Variants in NPAS3 observed in about 807,000 individuals in gnomAD.
NPAS3 encodes neuronal PAS domain protein 3.
NPAS3 carries 14 observed loss-of-function variants against 73.1 expected under a neutral mutation model. That is an observed-to-expected ratio of 0.19 (90% CI 0.13 to 0.30). The LOEUF (loss-of-function observed/expected upper bound fraction) is 0.30, where lower values mean the gene tolerates loss of function less well. Among genes scored for constraint, NPAS3 ranks in the 10% least tolerant of loss-of-function variants. The pLI, the probability that NPAS3 is intolerant of heterozygous loss-of-function variation, is 1.00. For missense variants in NPAS3, 1,096 were observed against 1,250.0 expected (o/e 0.88, Z 1.86); for synonymous variants, 620 against 541.5 (o/e 1.14, Z -2.01).
chr14:32,945,528 A>T (rs187722893), intron 1 of NPAS3, among the ~76,000 whole-genome samples: 11 of 152,316 alleles, frequency 7.2e-5, no homozygotes, highest in Admixed American at 6.5e-4. Context: ...AAGGAAGGTG[A>T]TAGAGACTGA....
intron 3 of NPAS3, among the ~76,000 whole-genome samples, chr14:33,272,686 G>A (rs112936501): frequency 0.083 from 12,573 of 152,070 alleles, 677 homozygotes; most frequent in Admixed American, 0.17. Context: ...CAAAGTGCTG[G>A]GATTACAGAT....
intron 2 of NPAS3, among the ~76,000 whole-genome samples, chr14:33,197,262 T>TGTGTGTGTGTGTGTGA (rs2046396624): frequency 6.7e-6 from 1 of 149,814 alleles, no homozygotes; most frequent in Admixed American, 6.8e-5. Context: ...TGTGTGTGTG[T>TGTGTGTGTGTGTGTGA]GTGTGTTCTT....
At chr14:33,616,599 G>T (rs1207093517) in intron 5 of NPAS3, among the ~76,000 whole-genome samples, 1 of 152,146 alleles carries the variant, frequency 6.6e-6, no homozygotes. Flanking sequence ...TAAAATGCTT[G>T]CCTTAGTGAG....
chr14:33,781,251 G>T (rs2062970898), intron 9 of NPAS3, among the ~76,000 whole-genome samples: 1 of 152,188 alleles, frequency 6.6e-6, no homozygotes, highest in African/African-American at 2.4e-5. Context: ...TGATTCCAGT[G>T]TCAGGTTTTG....
At position 33,308,527 on chromosome 14, in the gene NPAS3, T is replaced by TATATATATATATACACACAC; in HGVS notation, c.386-58658_386-58657insTATATATATATACACACACA. On this transcript the variant is annotated intron_variant, in intron 3 of 11. Coordinates refer to ENST00000356141, the Ensembl canonical transcript of NPAS3. Reference sequence around the variant, plus strand: ...TGCATAGTTTATATATATATATATATACATACACACACACACACACACACA... The same window carrying TATATATATATATACACACAC: ...TGCATAGTTTATATATATATATATATATATATATATATACACACACACATACACACACACACACACACACA... Among the ~76,000 whole-genome samples, 514 of 103,628 alleles carry TATATATATATATACACACAC rather than the reference T, an allele frequency of 5.0e-3. 8 individuals are homozygous for TATATATATATATACACACAC. The highest frequency in any genetic ancestry group is 0.011 in the South Asian group (40 of 3,770). The allele number at this position is 103,628 out of a possible 152,430, so 68.0% of individuals were successfully genotyped here. A position where few individuals can be genotyped will look rare whatever the true frequency, so the allele number is the denominator to read the frequency against.
chr14:33,092,866 G>T (rs2042276237), intron 2 of NPAS3, among the ~76,000 whole-genome samples: 1 of 152,038 alleles, frequency 6.6e-6, no homozygotes, highest in South Asian at 2.1e-4. Flanking sequence ...CAACAAATGG[G>T]GAAAAGATTC....
At chr14:33,177,345 C>T (rs1477936210) in intron 2 of NPAS3, among the ~76,000 whole-genome samples, 1 of 151,836 alleles carries the variant, frequency 6.6e-6, no homozygotes, top group East Asian at 1.9e-4. Context: ...ATTCACCTGC[C>T]TCGGCCTCCC....
intron 1 of NPAS3, among the ~76,000 whole-genome samples, chr14:33,010,474 T>C (rs2039150798): frequency 6.6e-6 from 1 of 152,192 alleles, no homozygotes; most frequent in Admixed American, 6.5e-5. Context: ...CAATAAGCTG[T>C]CACTTAATGT....
chr14:33,802,846 G>A (rs2063749359), downstream of NPAS3: 1 of 151,954 alleles, frequency 6.6e-6, no homozygotes, highest in African/African-American at 2.4e-5. Context: ...CTGTTGCTTT[G>A]CTGGTGTATA....
intron 2 of NPAS3, among the ~76,000 whole-genome samples, chr14:33,074,694 G>A (rs1312264570): frequency 6.6e-6 from 1 of 152,202 alleles, no homozygotes; most frequent in African/African-American, 2.4e-5. Flanking sequence ...TGGGATTACA[G>A]GTGTGAGCCA....
chr14:33,428,479 A>G (rs2048646134), intron 4 of NPAS3, among the ~76,000 whole-genome samples: 1 of 152,122 alleles, frequency 6.6e-6, no homozygotes. Context: ...CTGGTTCTAA[A>G]TTCAAATAAA....
intron 4 of NPAS3, among the ~76,000 whole-genome samples, chr14:33,436,827 A>G (rs2049009768): frequency 6.6e-6 from 1 of 152,232 alleles, no homozygotes; most frequent in Non-Finnish European, 1.5e-5. Flanking sequence ...CTAACTTGCA[A>G]CTAGTTAGAA....
chr14:33,198,131 G>A (rs1310631388), intron 2 of NPAS3, among the ~76,000 whole-genome samples: 1 of 152,210 alleles, frequency 6.6e-6, no homozygotes, highest in East Asian at 1.9e-4. Flanking sequence ...CCTCAGGAGT[G>A]AAACTGCAGA....
intron 2 of NPAS3, among the ~76,000 whole-genome samples, chr14:33,197,271 T>TGTGTGTGTGTGTGTG (rs1466236792): frequency 9.7e-4 from 28 of 28,966 alleles, no homozygotes; most frequent in African/African-American, 2.5e-3. Flanking sequence ...GTGTGTGTTC[T>TGTGTGTGTGTGTGTG]TTTTCAATTG....
chr14:33,723,843 TC>T (rs2061186345), intron 6 of NPAS3, among the ~76,000 whole-genome samples: 1 of 152,186 alleles, frequency 6.6e-6, no homozygotes, highest in African/African-American at 2.4e-5. Flanking sequence ...TCCACAGCCT[TC>T]CTGTGTACCC....
intron 2 of NPAS3, among the ~76,000 whole-genome samples, chr14:33,194,997 C>A (rs539136484): frequency 1.3e-5 from 2 of 152,222 alleles, no homozygotes; most frequent in South Asian, 4.2e-4. Context: ...AGGAGTGTTG[C>A]ATTTGTATCT....
chr14:33,448,454 G>A (rs952215072), intron 4 of NPAS3, among the ~76,000 whole-genome samples: 1 of 152,130 alleles, frequency 6.6e-6, no homozygotes, highest in Non-Finnish European at 1.5e-5. Flanking sequence ...ATGCGGAAGG[G>A]TCGCTGAGGG....
intron 4 of NPAS3, among the ~76,000 whole-genome samples, chr14:33,527,123 C>G (rs1362765648): frequency 6.6e-6 from 1 of 152,092 alleles, no homozygotes; most frequent in Admixed American, 6.5e-5. Flanking sequence ...CAATGGCTAC[C>G]AGTGCTAGAC....
chr14:33,308,671 A>G (rs1216836957), intron 3 of NPAS3, among the ~76,000 whole-genome samples: 3 of 151,276 alleles, frequency 2.0e-5, no homozygotes, highest in Admixed American at 6.6e-5. Flanking sequence ...GAAATTTGTC[A>G]CTTTTGGTTT....
Sources: allele counts gnomAD v4.1 joint callset (sites outside exome capture counted in the v4.1 genomes callset), GRCh38; gene constraint gnomAD v4.1.1; transcripts MANE v1.5; gene names NCBI Gene and HGNC (gene_info 2026-07-23, HGNC 2026-07-21).